The following CIT variants were observed in gnomAD, a reference collection of about 807,000 sequenced individuals.
CIT encodes the protein citron Rho-interacting kinase.
Under a neutral mutation model 272.7 loss-of-function variants are expected in CIT, and 79 were observed. That is an observed-to-expected ratio of 0.29 (90% confidence interval 0.24 to 0.35). CIT has a LOEUF of 0.35. Among genes scored for constraint, CIT ranks in the 10% least tolerant of loss-of-function variants. The probability of loss-of-function intolerance (pLI) is 1.00; values close to 1 mark genes in which losing one functional copy is unlikely to be tolerated. For missense variants in CIT, 1,909 were observed against 2,618.3 expected (o/e 0.73, Z 5.91); for synonymous variants, 948 against 995.6 (o/e 0.95, Z 0.90).
chr12:119,868,640 T>G (rs1288743132), intron 3 of CIT, among the ~76,000 whole-genome samples: 1 of 152,158 alleles, frequency 6.6e-6, no homozygotes, highest in Non-Finnish European at 1.5e-5. Context: ...CGGGCTCCAG[T>G]GATCCTCCCA....
At chr12:119,726,883 GGTTTAGAAGATCAGT>G (rs1479117629) in intron 28 of CIT, among the ~76,000 whole-genome samples, 1 of 152,108 alleles carries the variant, frequency 6.6e-6, no homozygotes, top group Non-Finnish European at 1.5e-5. Context: ...GTAAGGGATG[GGTTTAGAAGATCAGT>G]CTGAGCTTGT....
At chr12:119,815,189 T>C (rs965963184) in intron 9 of CIT, among the ~76,000 whole-genome samples, 3 of 133,388 alleles carry the variant, frequency 2.2e-5, no homozygotes, top group Non-Finnish European at 4.9e-5. Context: ...CTAAACAAAA[T>C]AAATGAAAAA....
intron 24 of CIT, among the ~76,000 whole-genome samples, chr12:119,741,134 C>T (rs1024669860): frequency 6.7e-6 from 1 of 149,588 alleles, no homozygotes; most frequent in South Asian, 2.1e-4. Flanking sequence ...TATTCATACA[C>T]CAGAAACACC....
At chr12:119,861,009 T>C (rs1950318841) in intron 3 of CIT, among the ~76,000 whole-genome samples, 1 of 151,492 alleles carries the variant, frequency 6.6e-6, no homozygotes, top group South Asian at 2.1e-4. Flanking sequence ...TAATCCCAGC[T>C]ACTCGGGAGG....
In CIT at chr12:119,803,385, A is replaced by T. The variant is rs753624756; in HGVS notation, c.1116T>A (p.Pro372=). The T allele has an allele frequency of 7.7e-6, 12 of 1,555,956 alleles. No homozygotes were observed. The highest frequency in any genetic ancestry group is 8.7e-7 in the Non-Finnish European group (1 of 1,155,656). The change falls in exon 10 of 48, where the codon CCT becomes CCA. Residue 372 remains proline, a synonymous_variant. Coordinates refer to ENST00000392521, the MANE Select transcript of CIT (RefSeq NM_001206999.2). ...ACTTGAGGGTGGGAACGAAGGGGGG[A>T]GGAGCTGGTTAAAGAAAAACAAGAA... The part of the protein sequence containing the change: ...KIDWNNIRNS[P]PPFVPTLKSD...
intron 39 of CIT, among the ~76,000 whole-genome samples, chr12:119,709,787 A>AGAGAGTGTGT (rs1319008959): frequency 9.3e-6 from 1 of 107,634 alleles, no homozygotes; most frequent in Admixed American, 1.0e-4. Context: ...AGAGAGAGAG[A>AGAGAGTGTGT]GTGTGTGTGT....
At chr12:119,717,421 T>C (rs891565719) in intron 32 of CIT, among the ~76,000 whole-genome samples, 1 of 55,374 alleles carries the variant, frequency 1.8e-5, no homozygotes, top group African/African-American at 4.4e-5. Context: ...TTTCTTTTCT[T>C]TTTTTTTTTT....
chr12:119,708,705 G>T (rs1194158496), intron 39 of CIT, among the ~76,000 whole-genome samples: 1 of 151,948 alleles, frequency 6.6e-6, no homozygotes, highest in Non-Finnish European at 1.5e-5. Flanking sequence ...GGTCAGGCTG[G>T]TCTCAAACTC....
intron 26 of CIT, among the ~76,000 whole-genome samples, chr12:119,733,548 A>G (rs1397362623): frequency 6.6e-6 from 1 of 152,034 alleles, no homozygotes; most frequent in Admixed American, 6.5e-5. Flanking sequence ...AAAAAACAAA[A>G]AAAACCCACT....
At chr12:119,861,227 A>G (rs1377484800) in intron 3 of CIT, among the ~76,000 whole-genome samples, 2 of 152,188 alleles carry the variant, frequency 1.3e-5, no homozygotes, top group Non-Finnish European at 2.9e-5. Context: ...GCAGTATCTA[A>G]GGGCCCAGTG....
Position 119,728,510 on chromosome 12 carries a change from G to A in CIT, c.3583C>T (p.Leu1195=), listed in dbSNP as rs1287725973. Residue 1195 remains leucine, a synonymous_variant, in exon 28 of 48, where the codon CTG becomes TTG. Coordinates refer to ENST00000392521, the MANE Select transcript of CIT (RefSeq NM_001206999.2). This position sits in a 1 kb window ranked among gnomAD's most constrained non-coding sequence, Gnocchi z 4.3. ...AGGTATTTCACACTCACCTCTTCCA[G>A]AAGCCTCTGTTTGAGCTCTCGTTCA... ...ETERELKQRL[L]EEQAKLQQQM... 1 of 1,607,504 alleles carries A rather than the reference G, an allele frequency of 6.2e-7. No homozygotes were observed. The highest frequency in any genetic ancestry group is 8.5e-7 in the Non-Finnish European group (1 of 1,176,964).
intron 10 of CIT, among the ~76,000 whole-genome samples, chr12:119,798,075 G>C (rs1235548540): frequency 6.6e-6 from 1 of 152,176 alleles, no homozygotes; most frequent in African/African-American, 2.4e-5. Context: ...ATACGCGTGG[G>C]TTTATGTATG....
In CIT at chr12:119,768,278, T is replaced by C. The variant is rs1488422412; in HGVS notation, c.2209-1096A>G. Among the ~76,000 whole-genome samples the C allele has an allele frequency of 6.6e-6, 1 of 152,238 alleles. No homozygotes were observed. Among genetic ancestry groups the C allele is most frequent in the Non-Finnish European group, 1.5e-5 (1 of 68,034 alleles). ...TTGCAGTTCATTTGCCAATGTTTTATAAACTGACCTTACAAAAGGCAGCAT... is the reference window on the plus strand; with the variant it reads ...TTGCAGTTCATTTGCCAATGTTTTACAAACTGACCTTACAAAAGGCAGCAT... On this transcript the variant is annotated intron_variant, in intron 18 of 47. Coordinates refer to ENST00000392521, the MANE Select transcript of CIT (RefSeq NM_001206999.2). The surrounding 1 kb of genome is among the most constrained non-coding windows in gnomAD (Gnocchi z 4.3).
At position 119,713,439 on chromosome 12, in the gene CIT, C is replaced by T; in HGVS notation, c.4487+29G>A. 1.2e-6 allele frequency: 2 copies of T among 1,606,864 alleles called. No homozygotes were observed. Among genetic ancestry groups the T allele is most frequent in the Non-Finnish European group, 1.7e-6 (2 of 1,176,050 alleles). ...ACAGAGTGGCTTGTGCCAGCACCTG[C>T]TCCAGCCCAAGCCACCCTGACATGG... On this transcript the variant is annotated intron_variant, in intron 34 of 47. Coordinates refer to ENST00000392521, the MANE Select transcript of CIT (RefSeq NM_001206999.2). The surrounding 1 kb of genome is among the most constrained non-coding windows in gnomAD (Gnocchi z 5.2).
At chr12:119,807,066 C>G (rs1966654364) in intron 9 of CIT, among the ~76,000 whole-genome samples, 1 of 152,180 alleles carries the variant, frequency 6.6e-6, no homozygotes, top group Non-Finnish European at 1.5e-5. Context: ...CACCACCACT[C>G]AGGAGCTGGT....
intron 9 of CIT, among the ~76,000 whole-genome samples, chr12:119,810,261 G>A (rs148567767): frequency 1.2e-3 from 190 of 152,272 alleles, no homozygotes; most frequent in African/African-American, 4.1e-3. Context: ...ACTGGAGGAC[G>A]CCTAGTGGTG....
At chr12:119,748,554 G>T (rs1046805767) in intron 23 of CIT, among the ~76,000 whole-genome samples, 1 of 152,184 alleles carries the variant, frequency 6.6e-6, no homozygotes, top group African/African-American at 2.4e-5. Context: ...TACATGCCCC[G>T]ATTTCACATC....
chr12:119,757,008 T>TACTCGAGAAGCTGAG (rs903290307), intron 22 of CIT, among the ~76,000 whole-genome samples: 1 of 151,570 alleles, frequency 6.6e-6, no homozygotes, highest in Non-Finnish European at 1.5e-5. Context: ...TAGTCCCAGC[T>TACTCGAGAAGCTGAG]ACTCGAGAAG....
intron 23 of CIT, among the ~76,000 whole-genome samples, chr12:119,746,197 T>C (rs1296346357): frequency 6.6e-6 from 1 of 152,200 alleles, no homozygotes; most frequent in Non-Finnish European, 1.5e-5. Flanking sequence ...TAACAGACTC[T>C]TGGTCAGGAA....
Sources: allele counts gnomAD v4.1 joint callset (sites outside exome capture counted in the v4.1 genomes callset), GRCh38; gene constraint gnomAD v4.1.1; non-coding constraint Gnocchi (gnomAD v3.1); transcripts MANE v1.5; gene names NCBI Gene and HGNC (gene_info 2026-07-23, HGNC 2026-07-21).